The following DNAH8 variants were observed in gnomAD, a reference collection of about 807,000 sequenced individuals.
DNAH8 encodes axonemal beta dynein heavy chain 8.
In DNAH8, 382 loss-of-function variants were observed where a neutral mutation model predicts 562.1. That is an observed-to-expected ratio of 0.68 (90% confidence interval 0.63 to 0.74). The LOEUF is 0.74. Among genes scored for constraint, DNAH8 ranks in the 30% least tolerant of loss-of-function variants. DNAH8 has a pLI of 0.00. For synonymous variants in DNAH8, 1,881 were observed against 1,919.4 expected (o/e 0.98, Z 0.52); for missense variants, 5,203 against 5,620.4 (o/e 0.93, Z 2.37).
chr6:38,954,314 AC>A (rs1424908196), intron 82 of DNAH8, among the ~76,000 whole-genome samples: 16 of 152,324 alleles, frequency 1.1e-4, no homozygotes, highest in African/African-American at 3.6e-4. Flanking sequence ...AAACCCCACA[AC>A]CACACAAAAG....
At chr6:38,768,572 T>TAA (rs11302547) in intron 11 of DNAH8, among the ~76,000 whole-genome samples, 125 of 149,734 alleles carry the variant, frequency 8.3e-4, no homozygotes, top group African/African-American at 2.9e-3. Flanking sequence ...GCCTGTTTAT[T>TAA]AAAAAAAAAA....
intron 62 of DNAH8, among the ~76,000 whole-genome samples, chr6:38,905,684 T>C (rs1780405413): frequency 6.6e-6 from 1 of 152,210 alleles, no homozygotes; most frequent in Non-Finnish European, 1.5e-5. Flanking sequence ...TTATGCTTTG[T>C]GGATCACTTT....
intron 7 of DNAH8, 48 bp from the exon 8 acceptor site, chr6:38,741,663 A>G: frequency 3.4e-6 from 5 of 1,477,256 alleles, no homozygotes; most frequent in Non-Finnish European, 4.6e-6. Flanking sequence ...AGATTTTAAC[A>G]AAGAAGAATG....
At chr6:38,832,500 T>A in intron 31 of DNAH8, 65 bp downstream of exon 31, 1 of 1,014,318 alleles carries the variant, frequency 9.9e-7, no homozygotes, top group Non-Finnish European at 1.5e-6. Context: ...GAAATGAAAG[T>A]GATGAACCCT....
At chr6:38,837,911 T>A (rs890211594) in intron 32 of DNAH8, 31 bp from the exon 33 acceptor site, 7 of 1,401,226 alleles carry the variant, frequency 5.0e-6, no homozygotes, top group Non-Finnish European at 7.1e-6. Context: ...ATTAATTGTA[T>A]TTTAGTACAA....
chr6:38,862,526 G>A (rs552363331), intron 44 of DNAH8, 68 bp downstream of exon 44: 1 of 1,511,174 alleles, frequency 6.6e-7, no homozygotes, highest in South Asian at 1.3e-5. Context: ...GTTATTTTCT[G>A]ATATAAATCC....
Position 38,975,136 on chromosome 6 carries a change from T to C in DNAH8, c.12834+607T>C, listed in dbSNP as rs1361815612. Among the ~76,000 whole-genome samples, 3 of 152,242 alleles carry C rather than the reference T, an allele frequency of 2.0e-5. No individual in the cohort carries two copies. In the East Asian group the frequency reaches 5.8e-4, roughly 29 times the overall value. On this transcript the variant is annotated intron_variant, in intron 85 of 92. Coordinates refer to ENST00000327475, the MANE Select transcript of DNAH8 (RefSeq NM_001206927.2). ...AGCTCCCTGTCTTTCTCAAGTCATT[T>C]GCTGTTTGCTTTTACAGTCTTAGTA...
chr6:38,885,650 C>A (rs570525780), intron 56 of DNAH8, among the ~76,000 whole-genome samples: 1 of 152,168 alleles, frequency 6.6e-6, no homozygotes, highest in South Asian at 2.1e-4. Context: ...TCTTTGTATA[C>A]GCTGGATATG....
At chr6:38,857,849 C>T in intron 42 of DNAH8, 107 bp downstream of exon 42, 1 of 681,612 alleles carries the variant, frequency 1.5e-6, no homozygotes, top group South Asian at 2.0e-5. Context: ...GGTCCTTTTT[C>T]ATAACTGTCC....
At chr6:38,975,968 A>G (rs1763644156) in intron 85 of DNAH8, among the ~76,000 whole-genome samples, 1 of 152,208 alleles carries the variant, frequency 6.6e-6, no homozygotes, top group Non-Finnish European at 1.5e-5. Flanking sequence ...AGGGAAGAAG[A>G]GCAACAGGAC....
chr6:38,967,883 A>G (rs1353754031), intron 82 of DNAH8, among the ~76,000 whole-genome samples: 1 of 152,222 alleles, frequency 6.6e-6, no homozygotes, highest in African/African-American at 2.4e-5. Flanking sequence ...GACTTACTAC[A>G]AAGCTACAGT....
chr6:38,917,482 G>C (rs910518386), intron 69 of DNAH8, 76 bp downstream of exon 69: 33 of 1,170,010 alleles, frequency 2.8e-5, no homozygotes, highest in Middle Eastern at 2.0e-4. Context: ...ATATAGACCA[G>C]ACAAACTGGC....
intron 87 of DNAH8, among the ~76,000 whole-genome samples, chr6:38,985,996 AG>A (rs1764367051): frequency 6.6e-6 from 1 of 152,232 alleles, no homozygotes; most frequent in Non-Finnish European, 1.5e-5. Context: ...CTAAGAGAAT[AG>A]ATAAGATGTG....
At chr6:38,788,507 T>G (rs747318088) in intron 18 of DNAH8, among the ~76,000 whole-genome samples, 36 of 152,180 alleles carry the variant, frequency 2.4e-4, no homozygotes, top group Non-Finnish European at 4.9e-4. Context: ...TATCTCCTTT[T>G]GATTTTGTTT....
chr6:38,951,982 A>C (rs919367186), intron 82 of DNAH8, among the ~76,000 whole-genome samples: 3 of 152,212 alleles, frequency 2.0e-5, no homozygotes, highest in Non-Finnish European at 4.4e-5. Flanking sequence ...GCAGTGTGCT[A>C]GATCTGGGGA....
chr6:38,954,232 G>A (rs1011395792), intron 82 of DNAH8, among the ~76,000 whole-genome samples: 1 of 152,138 alleles, frequency 6.6e-6, no homozygotes, highest in Non-Finnish European at 1.5e-5. Context: ...GACTACTGGA[G>A]GAGGGAGGTC....
In DNAH8 at chr6:38,761,776, A is replaced by G; in HGVS notation, c.1590A>G (p.Glu530=). 1.9e-6 allele frequency: 3 copies of G among 1,567,428 alleles called. No individual in the cohort carries two copies. The highest frequency in any genetic ancestry group is 2.6e-6 in the Non-Finnish European group (3 of 1,160,706). The change falls in exon 11 of 93, where the codon GAA becomes GAG. Residue 530 remains glutamate (E), a synonymous_variant. Transcript: ENST00000327475. Reference sequence around the variant, plus strand: ...GATTAAACCATGTATGGGATCAGGAAACGCCAGTTGTACTAAAGAAAATTC... The same window carrying G: ...GATTAAACCATGTATGGGATCAGGAGACGCCAGTTGTACTAAAGAAAATTC... ...DGGLNHVWDQ[E]TPVVLKKIQD...
At position 38,924,096 on chromosome 6, in the gene DNAH8, G is replaced by A. The variant is rs905548870; in HGVS notation, c.10896G>A (p.Leu3632=). The A allele has an allele frequency of 6.2e-7, 1 of 1,614,030 alleles. No homozygotes were observed. Among genetic ancestry groups the A allele is most frequent in the South Asian group, 1.1e-5 (1 of 91,080 alleles). Residue 3632 remains leucine (L), a synonymous_variant, in exon 73 of 93, where the codon TTG becomes TTA. Transcript: ENST00000327475. ...TTAAAGATCAATGGGAAATGGAGTT[G>A]AGAGCACGGAAAATTCCTTTCACAG... is the stretch of plus-strand genomic sequence containing the variant. ...YLLKDQWEME[L]RARKIPFTEN...
At chr6:38,926,254 A>G (rs950772839) in intron 74 of DNAH8, 44 bp downstream of exon 74, 3 of 1,587,278 alleles carry the variant, frequency 1.9e-6, no homozygotes, top group African/African-American at 1.4e-5. Context: ...TGAAATCATG[A>G]AACTCTTTCA....
Sources: allele counts gnomAD v4.1 joint callset (sites outside exome capture counted in the v4.1 genomes callset), GRCh38; gene constraint gnomAD v4.1.1; transcripts MANE v1.5; gene names NCBI Gene and HGNC (gene_info 2026-07-23, HGNC 2026-07-21).